The following REXO1 variants were observed in gnomAD, a reference collection of about 807,000 sequenced individuals.
REXO1 encodes the protein RNA exonuclease 1 homolog, also known as REX1, RNA exonuclease 1 homolog.
REXO1 carries 42 observed loss-of-function variants against 102.6 expected under a neutral mutation model. The ratio of observed to expected loss-of-function variants is 0.41; its 90% CI spans 0.32 to 0.53. REXO1 has a LOEUF of 0.53. Ranked by LOEUF, REXO1 falls within the 20% of genes least tolerant of loss-of-function variation. The pLI is 0.27. For missense variants in REXO1, 1,819 were observed against 1,732.5 expected, an observed-to-expected ratio of 1.05 and a Z score of -0.89; for synonymous variants, 908 against 779.1, an observed-to-expected ratio of 1.17 and a Z score of -2.76.
chr19:1,830,130 C>T (rs2069863734), intron 1 of REXO1, among the ~76,000 whole-genome samples: 1 of 152,190 alleles, frequency 6.6e-6, no homozygotes, highest in Non-Finnish European at 1.5e-5. Context: ...AAAACATGAG[C>T]AAGTGGAGCC....
intron 1 of REXO1, among the ~76,000 whole-genome samples, chr19:1,845,842 C>A (rs761835496): frequency 6.6e-6 from 1 of 152,308 alleles, no homozygotes; most frequent in Non-Finnish European, 1.5e-5. Flanking sequence ...AGCCTCCCAA[C>A]CCTGCCTGCC....
chr19:1,835,104 G>A (rs765959197), intron 1 of REXO1: 8 of 187,890 alleles, frequency 4.3e-5, no homozygotes, highest in Admixed American at 5.6e-5. Flanking sequence ...CCTGAAGCTG[G>A]TACACACCAC....
In REXO1 at chr19:1,827,618, C is replaced by A; in HGVS notation, c.1171G>T (p.Asp391Tyr). The change falls in exon 2 of 16, where the codon GAC becomes TAC. Residue 391 changes from aspartate (D) to tyrosine (Y), a missense_variant. Transcript: ENST00000170168. ...TGAPPAPSCK[D>Y]GAQGKDKTKD... ...GTCTTGTCCTTCCCCTGGGCCCCGT[C>A]TTTGCAGCTGGGGGCAGGTGGGGCC... 6.3e-7 allele frequency: 1 copy of A among 1,578,666 alleles called. No homozygotes were observed.
At chr19:1,847,003 G>C (rs561739928) in intron 1 of REXO1, among the ~76,000 whole-genome samples, 1 of 152,108 alleles carries the variant, frequency 6.6e-6, no homozygotes, top group African/African-American at 2.4e-5. Flanking sequence ...AGCCGGCTGC[G>C]TGCTCCCAGG....
Position 1,825,887 on chromosome 19 carries a change from G to T in REXO1, c.1968C>A (p.Phe656Leu). ...EKGLSGLTTL[F>L]PGQKRRISHL... ...GGGAGATCCTCCTCTTCTGCCCGGG[G>T]AACAGAGTGGTCAGACCCGAAAGCC... The change falls in exon 3 of 16, where the codon TTC (phenylalanine) becomes TTA (leucine). Residue 656 changes from phenylalanine to leucine, a missense_variant. Transcript: ENST00000170168. 2 of 1,613,568 alleles carry T rather than the reference G, an allele frequency of 1.2e-6. No individual in the cohort carries two copies. The highest frequency in any genetic ancestry group is 1.7e-6 in the Non-Finnish European group (2 of 1,179,904).
intron 1 of REXO1, among the ~76,000 whole-genome samples, chr19:1,847,786 G>C (rs956781027): frequency 1.3e-5 from 2 of 152,240 alleles, no homozygotes; most frequent in African/African-American, 4.8e-5. Context: ...AAACGTCATG[G>C]AAATAAACAA....
In REXO1 at chr19:1,816,350, G is replaced by A; in HGVS notation, c.3457-5C>T. On this transcript the variant is annotated splice_region_variant and splice_polypyrimidine_tract_variant and intron_variant, in intron 14 of 15. Transcript: ENST00000170168. ...CACCACGGTGCTGTGGATGACCTGT[G>A]GGCAGCGGCAGAGATCAGCGCACGT... is the stretch of plus-strand genomic sequence containing the variant. The A allele has an allele frequency of 6.3e-7, 1 of 1,590,328 alleles. No homozygotes were observed. Among genetic ancestry groups the A allele is most frequent in the Non-Finnish European group, 8.6e-7 (1 of 1,167,550 alleles).
rs2069342264 is a variant in REXO1 at position 1,815,798 on chromosome 19, C to G, written c.*268G>C. On this transcript the variant is annotated 3_prime_UTR_variant, in exon 16 of 16. Coordinates refer to ENST00000170168, the MANE Select transcript of REXO1 (RefSeq NM_020695.4). This position sits in a 1 kb window ranked among gnomAD's most constrained non-coding sequence, Gnocchi z 4.0. ...GGAGGGGCTGCGGGCCGGGTGGGGGCGGGCTCTGTCCTGGTCTCCATCAGC... is the reference window on the plus strand; with the variant it reads ...GGAGGGGCTGCGGGCCGGGTGGGGGGGGGCTCTGTCCTGGTCTCCATCAGC... 1 of 1,463,894 alleles carries G rather than the reference C, an allele frequency of 6.8e-7. No homozygotes were observed. Among genetic ancestry groups the G allele is most frequent in the Admixed American group, 2.1e-5 (1 of 47,180 alleles). The allele number at this position is 1,463,894 out of a possible 1,614,324, so 90.7% of individuals were successfully genotyped here.
rs1260749630 is a variant in REXO1 at position 1,827,875 on chromosome 19, C to G, written c.914G>C (p.Ser305Thr). The change falls in exon 2 of 16, where the codon AGC becomes ACC. Residue 305 changes from serine to threonine, a missense_variant. Ser to Thr is a moderately conservative substitution (Grantham distance 58). Coordinates refer to ENST00000170168, the MANE Select transcript of REXO1 (RefSeq NM_020695.4). Reference protein sequence around the residue: ...TVPGNEPTTASTPKARADPEI... With the variant: ...TVPGNEPTTATTPKARADPEI... ...AGGGTCGGCCCTGGCTTTGGGGGTGCTGGCCGTGGTGGGCTCGTTACCTGG... is the reference window on the plus strand; with the variant it reads ...AGGGTCGGCCCTGGCTTTGGGGGTGGTGGCCGTGGTGGGCTCGTTACCTGG... 3.1e-6 allele frequency: 5 copies of G among 1,613,626 alleles called. No homozygotes were observed. Among genetic ancestry groups the G allele is most frequent in the Non-Finnish European group, 4.2e-6 (5 of 1,179,872 alleles).
Position 1,828,958 on chromosome 19 carries a change from G to GT in REXO1, c.158-328_158-327insA, listed in dbSNP as rs200558784. ...CCATGGTGGGGTGGACACTCGACAG[G>GT]CTGGAACTCCCCGGGGCAGGCGGGT... On this transcript the variant is annotated intron_variant, in intron 1 of 15. Transcript: ENST00000170168. Among the ~76,000 whole-genome samples the GT allele has an allele frequency of 1.6e-3, 239 of 152,378 alleles. 8 individuals are homozygous for GT. In the East Asian group the frequency reaches 0.042, roughly 27 times the overall value.
chr19:1,819,801 C>A (rs147291980), intron 7 of REXO1, 133 bp downstream of exon 7: 17 of 1,001,424 alleles, frequency 1.7e-5, no homozygotes, highest in Admixed American at 3.7e-5. Context: ...GCAGCCCCCC[C>A]ACAGCACCGC....
intron 1 of REXO1, among the ~76,000 whole-genome samples, chr19:1,831,301 C>A (rs1295986830): frequency 6.6e-6 from 1 of 152,246 alleles, no homozygotes; most frequent in African/African-American, 2.4e-5. Flanking sequence ...GAACGTGCAG[C>A]TTGTCTGAAG....
chr19:1,817,175 C>T, intron 12 of REXO1, 44 bp downstream of exon 12: 1 of 1,604,420 alleles, frequency 6.2e-7, no homozygotes, highest in South Asian at 1.1e-5. Context: ...CAGGCCAGGT[C>T]CTCCCCAATC....
intron 1 of REXO1, among the ~76,000 whole-genome samples, chr19:1,839,195 C>T (rs2011192042): frequency 6.7e-6 from 1 of 150,154 alleles, no homozygotes; most frequent in South Asian, 2.1e-4. Context: ...GCGGAAGTTG[C>T]AGTGAGCCAA....
Position 1,826,455 on chromosome 19 carries a change from TG to T in REXO1, c.1911+422del. Among the ~76,000 whole-genome samples the T allele has an allele frequency of 8.2e-6, 1 of 121,902 alleles. No homozygotes were observed. The highest frequency in any genetic ancestry group is 1.6e-5 in the Non-Finnish European group (1 of 62,354). The allele number at this position is 121,902 out of a possible 152,430, so 80.0% of individuals were successfully genotyped here. A position where few individuals can be genotyped will look rare whatever the true frequency, so the allele number is the denominator to read the frequency against. On this transcript the variant is annotated intron_variant, in intron 2 of 15. Transcript: ENST00000170168. This position sits in a 1 kb window ranked among gnomAD's most constrained non-coding sequence, Gnocchi z 4.3. ...AGGCAAGGAGAGGAGACAGAGGAGC[TG>T]GAAGAGAAGAGACAGAGATGGGGGA...
intron 11 of REXO1, 151 bp from the exon 12 acceptor site, chr19:1,817,480 G>T: frequency 6.8e-7 from 1 of 1,474,504 alleles, no homozygotes; most frequent in Non-Finnish European, 9.0e-7. Flanking sequence ...GTGGGGAAGG[G>T]GGCTTGCCAA....
rs772557460 is a variant in REXO1 at position 1,815,562 on chromosome 19, C to G, written c.*504G>C. 68 of 663,430 alleles carry G rather than the reference C, an allele frequency of 1.0e-4. No homozygotes were observed. The highest frequency in any genetic ancestry group is 1.3e-4 in the Non-Finnish European group (62 of 481,226). The allele number at this position is 663,430 out of a possible 1,614,324, so 41.1% of individuals were successfully genotyped here. On this transcript the variant is annotated 3_prime_UTR_variant, in exon 16 of 16. Coordinates refer to ENST00000170168, the MANE Select transcript of REXO1 (RefSeq NM_020695.4). This position sits in a 1 kb window ranked among gnomAD's most constrained non-coding sequence, Gnocchi z 4.0. The stretch of plus-strand genomic sequence containing the variant: ...CCCCCACTGGGGTCTGTCCCACCCC[C>G]ACCCCGCAGGAGGGAAGGCAGCAGG...
intron 7 of REXO1, among the ~76,000 whole-genome samples, chr19:1,819,592 C>T (rs569518566): frequency 5.1e-4 from 77 of 152,352 alleles, no homozygotes; most frequent in African/African-American, 1.6e-3. Flanking sequence ...CCCAGGTCTC[C>T]GCTTTCTTCC....
chr19:1,825,310 A>AC lies in REXO1; in HGVS notation c.2016+528_2016+529insG, dbSNP rs1464010786. Among the ~76,000 whole-genome samples, 347 of 138,242 alleles carry AC rather than the reference A, an allele frequency of 2.5e-3. 5 individuals are homozygous for AC. The highest frequency in any genetic ancestry group is 9.1e-3 in the African/African-American group (315 of 34,442). The allele number at this position is 138,242 out of a possible 152,430, so 90.7% of individuals were successfully genotyped here. On this transcript the variant is annotated intron_variant, in intron 3 of 15. Transcript: ENST00000170168. ...GCGAGACTCCGTCTCAAAAAAAAAA[A>AC]AAAAAAAAAAAACAACCAAAAAACA... is the stretch of plus-strand genomic sequence containing the variant.
Sources: gnomAD v4.1 joint callset for allele counts (sites outside exome capture counted in the v4.1 genomes callset) on GRCh38, gnomAD v4.1.1 for gene constraint, Gnocchi (gnomAD v3.1) non-coding constraint, MANE v1.5 for transcripts, NCBI Gene and HGNC (gene_info 2026-07-23, HGNC 2026-07-21) for gene names.